The following CRB3 variants were observed in gnomAD, a reference collection of about 807,000 sequenced individuals.
CRB3 encodes protein crumbs homolog 3.
CRB3 carries 4 observed loss-of-function variants against 10.4 expected under a neutral mutation model. That is an observed-to-expected ratio of 0.39 (90% CI 0.19 to 0.88). The LOEUF (loss-of-function observed/expected upper bound fraction) is 0.88, where lower values mean the gene tolerates loss of function less well. Ranked by LOEUF, CRB3 falls within the 40% of genes least tolerant of loss-of-function variation. CRB3 has a pLI of 0.39. For synonymous variants in CRB3, 74 were observed against 73.4 expected, an observed-to-expected ratio of 1.01 and a Z score of -0.04; for missense variants, 154 against 160.2, an observed-to-expected ratio of 0.96 and a Z score of 0.21.
At position 6,464,677 on chromosome 19, in the gene CRB3, G is replaced by C; in HGVS notation, c.-25G>C. ...GCGAGCGCGAGAAGCCCCTTCCTCG[G>C]CGCTGCCAACCCGCCACCCAGCCCA... On this transcript the variant is annotated 5_prime_UTR_variant, in exon 2 of 4. Transcript: ENST00000600229. The surrounding 1 kb of genome is among the most constrained non-coding windows in gnomAD (Gnocchi z 5.3). 1 of 1,229,362 alleles carries C rather than the reference G, an allele frequency of 8.1e-7. No homozygotes were observed. Among genetic ancestry groups the C allele is most frequent in the South Asian group, 4.1e-5 (1 of 24,362 alleles). 76.2% of individuals were successfully genotyped at this position (1,229,362 alleles called of 1,614,324 possible).
In CRB3 at chr19:6,466,735, G is replaced by A. The variant is rs1017254762; in HGVS notation, c.*63G>A. On this transcript the variant is annotated 3_prime_UTR_variant, in exon 4 of 4. Coordinates refer to ENST00000600229, the MANE Select transcript of CRB3 (RefSeq NM_139161.5). This position sits in a 1 kb window ranked among gnomAD's most constrained non-coding sequence, Gnocchi z 4.9. The stretch of plus-strand genomic sequence containing the variant: ...ACTGCGGGTTGCTGGCTTGTACACC[G>A]CAGCTGCCACCGAGACACCAGCCTC... 21 of 1,560,710 alleles carry A rather than the reference G, an allele frequency of 1.3e-5. No individual in the cohort carries two copies. The highest frequency in any genetic ancestry group is 3.7e-5 in the Admixed American group (2 of 54,038).
rs896855310 is a variant in CRB3, at chr19:6,464,574, C to T, written c.-94-34C>T. On this transcript the variant is annotated intron_variant, in intron 1 of 3. Transcript: ENST00000600229. The surrounding 1 kb of genome is among the most constrained non-coding windows in gnomAD (Gnocchi z 5.3). ...CTGCGCCGGGGTCCCCACCCCGATC[C>T]CAACGCCTGGGCCTCTCCTTCTCCT... 5 of 533,396 alleles carry T rather than the reference C, an allele frequency of 9.4e-6. No homozygotes were observed. The African/African-American group carries it at 9.8e-5, about 10-fold the overall frequency. The allele number at this position is 533,396 out of a possible 1,614,324, so 33.0% of individuals were successfully genotyped here. A position where few individuals can be genotyped will look rare whatever the true frequency, so the allele number is the denominator to read the frequency against.
chr19:6,466,432 G>A lies in CRB3; in HGVS notation c.157-34G>A, dbSNP rs2092794640. Reference sequence around the variant, plus strand: ...AGGTGGAGGTGGACAGGCTACCCAGGCTCAGGTGATTCACACCTGTCCCCT... The same window carrying A: ...AGGTGGAGGTGGACAGGCTACCCAGACTCAGGTGATTCACACCTGTCCCCT... On this transcript the variant is annotated intron_variant, in intron 3 of 3. Coordinates refer to ENST00000600229, the MANE Select transcript of CRB3 (RefSeq NM_139161.5). The surrounding 1 kb of genome is among the most constrained non-coding windows in gnomAD (Gnocchi z 4.9). 3 of 1,595,798 alleles carry A rather than the reference G, an allele frequency of 1.9e-6. No individual in the cohort carries two copies. Among genetic ancestry groups the A allele is most frequent in the Middle Eastern group, 1.7e-4 (1 of 6,054 alleles).
In CRB3 at chr19:6,465,526, C is replaced by G; in HGVS notation, c.83-19C>G. 1 of 1,608,356 alleles carries G rather than the reference C, an allele frequency of 6.2e-7. No individual in the cohort carries two copies. The highest frequency in any genetic ancestry group is 1.1e-5 in the South Asian group (1 of 90,970). On this transcript the variant is annotated intron_variant, in intron 2 of 3. Transcript: ENST00000600229. Reference sequence around the variant, plus strand: ...AGAAAGATGGAGACTGAGTTATTCTCTGCCTTCACCCTCCACAGTACAGAC... The same window carrying G: ...AGAAAGATGGAGACTGAGTTATTCTGTGCCTTCACCCTCCACAGTACAGAC...
chr19:6,464,057 C>G (rs1010169237), upstream of CRB3: 1 of 152,282 alleles, frequency 6.6e-6, no homozygotes, highest in African/African-American at 2.4e-5. This position sits in a 1 kb window ranked among gnomAD's most constrained non-coding sequence, Gnocchi z 5.3. Flanking sequence ...TGTAAGGTCC[C>G]CCTCACACCT....
intron 3 of CRB3, 117 bp downstream of exon 3, chr19:6,465,735 C>A: frequency 2.3e-6 from 2 of 860,502 alleles, no homozygotes; most frequent in Non-Finnish European, 4.0e-6. Context: ...GTCAGGGTGG[C>A]TTTGGAGAGC....
chr19:6,465,951 A>G (rs1421423793), intron 3 of CRB3, among the ~76,000 whole-genome samples: 1 of 152,082 alleles, frequency 6.6e-6, no homozygotes, highest in Non-Finnish European at 1.5e-5. Context: ...CTGTAATCCT[A>G]ACACCTTGGG....
At chr19:6,463,912 C>T (rs2092783238), upstream of CRB3, 1 of 152,294 alleles carries the variant, frequency 6.6e-6, no homozygotes. Context: ...GCCATTGCGC[C>T]TGGGCAGGTA....
At position 6,464,613 on chromosome 19, in the gene CRB3, C is replaced by G. The variant is rs994282876; in HGVS notation, c.-89C>G. 2 of 791,462 alleles carry G rather than the reference C, an allele frequency of 2.5e-6. No individual in the cohort carries two copies. The highest frequency in any genetic ancestry group is 3.6e-5 in the African/African-American group (2 of 55,846). The allele number at this position is 791,462 out of a possible 1,614,324, so 49.0% of individuals were successfully genotyped here. A position where few individuals can be genotyped will look rare whatever the true frequency, so the allele number is the denominator to read the frequency against. On this transcript the variant is annotated 5_prime_UTR_variant, in exon 2 of 4. Coordinates refer to ENST00000600229, the MANE Select transcript of CRB3 (RefSeq NM_139161.5). This position sits in a 1 kb window ranked among gnomAD's most constrained non-coding sequence, Gnocchi z 5.3. ...TCTCCTTCTCCTGTCCCCAGGTGCC[C>G]CGTCGCAGGTGCCCCTGGCCGGAGA...
Position 6,467,055 on chromosome 19 carries a change from C to A in CRB3, c.*383C>A. The stretch of plus-strand genomic sequence containing the variant: ...CTCCTGCATCTGTCTCCCTTCATTG[C>A]TGTGTGACCTTGGGGAAAGGCAGTG... On this transcript the variant is annotated 3_prime_UTR_variant, in exon 4 of 4. Coordinates refer to ENST00000600229, the MANE Select transcript of CRB3 (RefSeq NM_139161.5). 6.3e-7 allele frequency: 1 copy of A among 1,594,088 alleles called. No homozygotes were observed. Among genetic ancestry groups the A allele is most frequent in the Admixed American group, 1.7e-5 (1 of 59,532 alleles).
In CRB3 at chr19:6,464,401, GCCCGTCCCGT is replaced by G. The variant is rs576714100; in HGVS notation, c.-95+70_-95+79del. The G allele has an allele frequency of 2.8e-3, 848 of 300,458 alleles. 1 individual carries two copies. The highest frequency in any genetic ancestry group is 8.4e-3 in the East Asian group (155 of 18,558). The allele number at this position is 300,458 out of a possible 1,614,324, so 18.6% of individuals were successfully genotyped here. A position where few individuals can be genotyped will look rare whatever the true frequency, so the allele number is the denominator to read the frequency against. On this transcript the variant is annotated intron_variant, in intron 1 of 3. Coordinates refer to ENST00000600229, the MANE Select transcript of CRB3 (RefSeq NM_139161.5). This position sits in a 1 kb window ranked among gnomAD's most constrained non-coding sequence, Gnocchi z 5.3. ...GCCTGCCCCCTCGCCCGTCCACCCT[GCCCGTCCCGT>G]CCCGTCCCGTCCCGTCCCCTTCCTT...
chr19:6,465,290 G>C, intron 2 of CRB3: 1 of 522,936 alleles, frequency 1.9e-6, no homozygotes. Context: ...CGAGAGGTGA[G>C]TAGGGGAGGG....
upstream of CRB3, chr19:6,464,071 C>G (rs1279365007): frequency 6.6e-6 from 1 of 152,250 alleles, no homozygotes; most frequent in Non-Finnish European, 1.5e-5. This position sits in a 1 kb window ranked among gnomAD's most constrained non-coding sequence, Gnocchi z 5.3. Context: ...CACACCTGCG[C>G]GCTTCCGCGG....
Position 6,466,939 on chromosome 19 carries a change from CCTTT to C in CRB3, c.*273_*276del. On this transcript the variant is annotated 3_prime_UTR_variant, in exon 4 of 4. Transcript: ENST00000600229. This position sits in a 1 kb window ranked among gnomAD's most constrained non-coding sequence, Gnocchi z 4.9. ...TCCAGCAGGCCCCACAACCCCCTCT[CCTTT>C]CTTTCAGTTCTCCCATGCAGCCGAG... 1.9e-6 allele frequency: 3 copies of C among 1,613,628 alleles called. No individual in the cohort carries two copies. The highest frequency in any genetic ancestry group is 2.5e-6 in the Non-Finnish European group (3 of 1,179,784).
chr19:6,465,046 T>G, intron 2 of CRB3: 1 of 304,870 alleles, frequency 3.3e-6, no homozygotes, highest in Non-Finnish European at 6.0e-6. Context: ...TGGGGGCTCC[T>G]AAGTAGGACT....
rs559163351 is a variant in CRB3 at position 6,466,934 on chromosome 19, C to G, written c.*262C>G. The G allele has an allele frequency of 1.9e-6, 3 of 1,613,000 alleles. No individual in the cohort carries two copies. Among genetic ancestry groups the G allele is most frequent in the Non-Finnish European group, 2.5e-6 (3 of 1,179,550 alleles). On this transcript the variant is annotated 3_prime_UTR_variant, in exon 4 of 4. Coordinates refer to ENST00000600229, the MANE Select transcript of CRB3 (RefSeq NM_139161.5). This position sits in a 1 kb window ranked among gnomAD's most constrained non-coding sequence, Gnocchi z 4.9. Reference sequence around the variant, plus strand: ...GTGTGTCCAGCAGGCCCCACAACCCCCTCTCCTTTCTTTCAGTTCTCCCAT... The same window carrying G: ...GTGTGTCCAGCAGGCCCCACAACCCGCTCTCCTTTCTTTCAGTTCTCCCAT...
At chr19:6,465,676 A>AT in intron 3 of CRB3, 58 bp downstream of exon 3, 1 of 1,413,138 alleles carries the variant, frequency 7.1e-7, no homozygotes, top group African/African-American at 1.4e-5. Context: ...GGGGTCACAC[A>AT]TATAGCATGT....
chr19:6,466,607 C>A lies in CRB3; in HGVS notation c.298C>A (p.Gln100Lys), dbSNP rs754631082. ...EGTYRPSSEE[Q>K]VGARVPPTPN... ...CACCTACCGGCCCAGTAGCGAGGAG[C>A]AGGTGGGTGCCCGCGTGCCACCGAC... Residue 100 changes from glutamine to lysine, a missense_variant, in exon 4 of 4, where the codon CAG (glutamine) becomes AAG (lysine). By Grantham distance (53) the Gln-to-Lys change is moderately conservative. Transcript: ENST00000600229. The surrounding 1 kb of genome is among the most constrained non-coding windows in gnomAD (Gnocchi z 4.9). 2.5e-6 allele frequency: 4 copies of A among 1,606,540 alleles called. No homozygotes were observed. The highest frequency in any genetic ancestry group is 3.4e-6 in the Non-Finnish European group (4 of 1,179,952).
chr19:6,463,942 C>T (rs2092783303), upstream of CRB3: 2 of 152,184 alleles, frequency 1.3e-5, no homozygotes, highest in Admixed American at 6.5e-5. Flanking sequence ...ATTAAGCGCT[C>T]CCCATCCAAG....
Sources: gnomAD v4.1 joint callset for allele counts (sites outside exome capture counted in the v4.1 genomes callset) on GRCh38, gnomAD v4.1.1 for gene constraint, Gnocchi (gnomAD v3.1) non-coding constraint, MANE v1.5 for transcripts, NCBI Gene and HGNC (gene_info 2026-07-23, HGNC 2026-07-21) for gene names.